KIAA0825: variants seen among roughly 807,000 people sequenced by gnomAD.
KIAA0825 encodes the protein KIAA0825, also known as uncharacterized protein KIAA0825.
In KIAA0825, 119 loss-of-function variants were observed where a neutral mutation model predicts 147.6. The observed-to-expected ratio is 0.81, with a 90% CI of 0.69 to 0.94. KIAA0825 has a LOEUF of 0.94. Among genes scored for constraint, KIAA0825 ranks in the 40% least tolerant of loss-of-function variants. The pLI is 0.00. For missense variants in KIAA0825, 1,381 were observed against 1,472.7 expected (o/e 0.94, Z 1.02); for synonymous variants, 470 against 518.1 (o/e 0.91, Z 1.26).
chr5:94,571,329 A>G (rs1447438751), intron 2 of KIAA0825, among the ~76,000 whole-genome samples: 1 of 152,356 alleles, frequency 6.6e-6, no homozygotes, highest in East Asian at 1.9e-4. Flanking sequence ...GGAATTAGAT[A>G]AGAAATTTGA....
chr5:94,279,219 C>T (rs762662522), intron 20 of KIAA0825, among the ~76,000 whole-genome samples: 2 of 151,940 alleles, frequency 1.3e-5, no homozygotes, highest in African/African-American at 4.8e-5. Flanking sequence ...AGTAAGCTGC[C>T]TTGGAGCTAT....
At chr5:94,551,181 G>T (rs892576934) in intron 2 of KIAA0825, among the ~76,000 whole-genome samples, 3 of 149,722 alleles carry the variant, frequency 2.0e-5, no homozygotes, top group Admixed American at 6.7e-5. Context: ...AATACAGGAA[G>T]AAAAAAAAAT....
intron 2 of KIAA0825, chr5:94,569,387 T>C (rs1163777064): frequency 1.3e-5 from 5 of 385,634 alleles, no homozygotes; most frequent in Non-Finnish European, 2.4e-5. Flanking sequence ...TAAGCCCCCA[T>C]AAATAGGAGA....
chr5:94,234,194 G>C (rs927375652), intron 20 of KIAA0825, among the ~76,000 whole-genome samples: 1 of 151,688 alleles, frequency 6.6e-6, no homozygotes, highest in Non-Finnish European at 1.5e-5. Flanking sequence ...GTGAAACCCC[G>C]TCTCTACTAA....
chr5:94,547,588 T>G (rs541507115), intron 2 of KIAA0825, among the ~76,000 whole-genome samples: 1 of 151,834 alleles, frequency 6.6e-6, no homozygotes, highest in Non-Finnish European at 1.5e-5. Flanking sequence ...ATACAAAAAA[T>G]TGGCCAGGCA....
chr5:94,462,681 G>C, intron 11 of KIAA0825, 112 bp from the exon 12 acceptor site: 1 of 528,144 alleles, frequency 1.9e-6, no homozygotes, highest in Non-Finnish European at 3.2e-6. Flanking sequence ...GAAGAATTCA[G>C]TTAGATACCA....
At chr5:94,292,002 A>G (rs1562352689) in intron 20 of KIAA0825, among the ~76,000 whole-genome samples, 1 of 152,190 alleles carries the variant, frequency 6.6e-6, no homozygotes, top group African/African-American at 2.4e-5. Context: ...CAGCTTAAGG[A>G]GATTTTGGGC....
At chr5:94,494,997 T>C (rs1419475105) in intron 5 of KIAA0825, among the ~76,000 whole-genome samples, 1 of 152,228 alleles carries the variant, frequency 6.6e-6, no homozygotes, top group Non-Finnish European at 1.5e-5. Context: ...CTAATACACT[T>C]TCCAACCGAA....
intron 14 of KIAA0825, among the ~76,000 whole-genome samples, chr5:94,419,653 T>C (rs1023500549): frequency 3.3e-5 from 5 of 152,220 alleles, no homozygotes; most frequent in African/African-American, 1.2e-4. Context: ...CTGCTTCCTA[T>C]GTGTCAGTCA....
chr5:94,523,945 T>C lies in KIAA0825; in HGVS notation c.285A>G (p.Lys95=). 1 of 1,596,626 alleles carries C rather than the reference T, an allele frequency of 6.3e-7. No individual in the cohort carries two copies. Among genetic ancestry groups the C allele is most frequent in the Non-Finnish European group, 8.5e-7 (1 of 1,170,478 alleles). ...SSFISHGDLI[K]FFKTLQDLLK... ...TTCATTTTACCAGTGTTTTGAAAAATTTTATCAAGTCTCCATGAGAAATGA... is the reference window on the plus strand; with the variant it reads ...TTCATTTTACCAGTGTTTTGAAAAACTTTATCAAGTCTCCATGAGAAATGA... Residue 95 remains lysine (K), a synonymous_variant, in exon 4 of 21, where the codon AAA becomes AAG. Transcript: ENST00000682413.
chr5:94,343,978 T>C (rs921440732), intron 20 of KIAA0825, among the ~76,000 whole-genome samples: 1 of 152,184 alleles, frequency 6.6e-6, no homozygotes, highest in Admixed American at 6.5e-5. Flanking sequence ...AGGAAGGATA[T>C]GATGCAGTGA....
intron 20 of KIAA0825, among the ~76,000 whole-genome samples, chr5:94,236,702 A>G (rs1775060255): frequency 6.6e-6 from 1 of 152,186 alleles, no homozygotes; most frequent in Non-Finnish European, 1.5e-5. Flanking sequence ...CTTATTTAAG[A>G]AATTGCCACA....
chr5:94,336,042 C>G (rs1033858949), intron 20 of KIAA0825, among the ~76,000 whole-genome samples: 3 of 152,010 alleles, frequency 2.0e-5, no homozygotes. Flanking sequence ...GAATTATCTT[C>G]ATTAGGATTT....
rs1221778970 is a variant in KIAA0825 at position 94,608,506 on chromosome 5, TA to T, written c.-153+9993del. On this transcript the variant is annotated intron_variant, in intron 1 of 20. Coordinates refer to ENST00000682413, the MANE Select transcript of KIAA0825 (RefSeq NM_001145678.3). ...ATATATATATAATTATATATATATA[TA>T]TTTTTTTTTAGAGATGGGGTTTCAC... is the stretch of plus-strand genomic sequence containing the variant. Among the ~76,000 whole-genome samples, 26 of 28,714 alleles carry T rather than the reference TA, an allele frequency of 9.1e-4. No individual in the cohort carries two copies. The South Asian group carries it at 0.013, about 14-fold the overall frequency. 18.8% of individuals were successfully genotyped at this position (28,714 alleles called of 152,430 possible).
intron 20 of KIAA0825, among the ~76,000 whole-genome samples, chr5:94,305,764 C>G (rs1778685909): frequency 1.3e-5 from 2 of 151,872 alleles, no homozygotes; most frequent in Non-Finnish European, 2.9e-5. Flanking sequence ...GTTTTCATGA[C>G]TATCATCAGA....
chr5:94,472,560 C>T (rs966186355), intron 8 of KIAA0825, among the ~76,000 whole-genome samples: 13 of 152,180 alleles, frequency 8.5e-5, no homozygotes, highest in Admixed American at 5.2e-4. Context: ...CTGACTAACA[C>T]GGTGAAACCC....
intron 20 of KIAA0825, among the ~76,000 whole-genome samples, chr5:94,186,620 C>G (rs1378895892): frequency 6.6e-6 from 1 of 152,128 alleles, no homozygotes; most frequent in Non-Finnish European, 1.5e-5. Flanking sequence ...TTTGAGTAAA[C>G]AAATCCAATA....
intron 13 of KIAA0825, among the ~76,000 whole-genome samples, chr5:94,444,508 T>C (rs1757493026): frequency 6.6e-6 from 1 of 151,720 alleles, no homozygotes; most frequent in Non-Finnish European, 1.5e-5. Flanking sequence ...TAACCAAGTC[T>C]GATAAGGGAG....
chr5:94,460,143 GA>G (rs1006873843), intron 12 of KIAA0825, among the ~76,000 whole-genome samples: 37 of 152,088 alleles, frequency 2.4e-4, no homozygotes, highest in African/African-American at 8.2e-4. Context: ...ACTGTGTGGG[GA>G]TGTGTATGAA....
Sources: gnomAD v4.1 joint callset for allele counts (sites outside exome capture counted in the v4.1 genomes callset) on GRCh38, gnomAD v4.1.1 for gene constraint, MANE v1.5 for transcripts, NCBI Gene and HGNC (gene_info 2026-07-23, HGNC 2026-07-21) for gene names.